AAMDC: variants seen among roughly 807,000 people sequenced by gnomAD.
The protein encoded by AAMDC is mth938 domain-containing protein.
A neutral mutation model predicts 15.5 loss-of-function variants in AAMDC; 16 were observed. That is an observed-to-expected ratio of 1.03 (90% confidence interval 0.70 to 1.57). The LOEUF (loss-of-function observed/expected upper bound fraction) is 1.57. Among genes scored for constraint, AAMDC ranks in the 40% most tolerant of loss-of-function variants. The probability of loss-of-function intolerance (pLI) is 0.00; values close to 1 mark genes in which losing one functional copy is unlikely to be tolerated. For synonymous variants in AAMDC, 51 were observed against 51.6 expected (o/e 0.99, Z 0.05); for missense variants, 141 against 144.9 (o/e 0.97, Z 0.14).
chr11:77,843,348 G>A (rs1950012898), intron 2 of AAMDC, among the ~76,000 whole-genome samples: 3 of 152,174 alleles, frequency 2.0e-5, no homozygotes, highest in Admixed American at 1.3e-4. Context: ...AAACAAGGGA[G>A]CCTCTACCTT....
chr11:77,864,955 T>A (rs909535889), intron 2 of AAMDC, among the ~76,000 whole-genome samples: 4 of 152,150 alleles, frequency 2.6e-5, no homozygotes, highest in Admixed American at 6.6e-5. Context: ...CCAGCCTCAG[T>A]GACAGAGTGA....
chr11:77,878,306 A>G lies in AAMDC; in HGVS notation c.328+1257A>G, dbSNP rs182738893. Among the ~76,000 whole-genome samples the G allele has an allele frequency of 1.8e-3, 274 of 151,870 alleles. 1 individual carries two copies. Among genetic ancestry groups the G allele is most frequent in the African/African-American group, 5.0e-3 (209 of 41,406 alleles). On this transcript the variant is annotated intron_variant, in intron 5 of 5. Transcript: ENST00000304716. ...GAACCCAGGAGGCAGAGGTTGCAGT[A>G]AGCCAAGATCACGCCACTGCACTCC...
chr11:77,823,717 T>G (rs1253464615), intron 1 of AAMDC, among the ~76,000 whole-genome samples: 1 of 151,990 alleles, frequency 6.6e-6, no homozygotes. Flanking sequence ...TACTGGTTAC[T>G]TAACTGACCT....
chr11:77,887,587 G>T (rs935202395), intron 5 of AAMDC, among the ~76,000 whole-genome samples: 6 of 152,168 alleles, frequency 3.9e-5, no homozygotes, highest in Non-Finnish European at 7.3e-5. Flanking sequence ...TTAGGTAGGA[G>T]AAGGAAATAA....
intron 5 of AAMDC, among the ~76,000 whole-genome samples, chr11:77,892,220 C>T (rs1422482649): frequency 2.0e-5 from 3 of 152,078 alleles, no homozygotes; most frequent in African/African-American, 7.2e-5. Flanking sequence ...ACACAGTGAA[C>T]GGAAGAGAAA....
chr11:77,902,809 G>T (rs1446128236), downstream of AAMDC, among the ~76,000 whole-genome samples: 1 of 152,160 alleles, frequency 6.6e-6, no homozygotes, highest in Non-Finnish European at 1.5e-5. Context: ...AAGCTAAAAA[G>T]AAATAAACTA....
intron 5 of AAMDC, chr11:77,878,740 T>C (rs760170258): frequency 2.9e-6 from 2 of 695,868 alleles, no homozygotes; most frequent in Non-Finnish European, 5.2e-6. Context: ...CTCAACTTTA[T>C]TGTGGACAGG....
intron 5 of AAMDC, among the ~76,000 whole-genome samples, chr11:77,888,928 C>G (rs952592993): frequency 4.5e-4 from 68 of 152,224 alleles, no homozygotes; most frequent in Middle Eastern, 3.4e-3. Flanking sequence ...GGAATCAACA[C>G]GTGCTGGAGA....
chr11:77,891,405 GC>G, intron 5 of AAMDC: 1 of 1,613,078 alleles, frequency 6.2e-7, no homozygotes, highest in Non-Finnish European at 8.5e-7. Flanking sequence ...GAGGTAAACC[GC>G]AAAGGGTTGT....
intron 2 of AAMDC, 32 bp from the exon 3 acceptor site, chr11:77,869,690 G>A (rs1323714163): frequency 6.3e-7 from 1 of 1,590,766 alleles, no homozygotes; most frequent in East Asian, 2.2e-5. Context: ...ATTGAGAGCA[G>A]GTACCTGTCT....
At chr11:77,844,343 T>C (rs1386977870) in intron 2 of AAMDC, among the ~76,000 whole-genome samples, 1 of 152,132 alleles carries the variant, frequency 6.6e-6, no homozygotes, top group African/African-American at 2.4e-5. Context: ...GCAGCAAATT[T>C]TTTTTTACAG....
chr11:77,881,012 G>C (rs1951771710), intron 5 of AAMDC, among the ~76,000 whole-genome samples: 1 of 152,148 alleles, frequency 6.6e-6, no homozygotes, highest in Non-Finnish European at 1.5e-5. Context: ...CAGCCCTACA[G>C]GGTCATTTTG....
At chr11:77,825,699 T>G (rs1055929793) in intron 1 of AAMDC, among the ~76,000 whole-genome samples, 3 of 142,370 alleles carry the variant, frequency 2.1e-5, no homozygotes, top group Non-Finnish European at 3.1e-5. Context: ...ATTTTTTTTG[T>G]TTTTTTTTTT....
At chr11:77,904,915 A>C (rs1313212537), downstream of AAMDC, among the ~76,000 whole-genome samples, 1 of 152,146 alleles carries the variant, frequency 6.6e-6, no homozygotes, top group Non-Finnish European at 1.5e-5. Flanking sequence ...GCTTAAGGAG[A>C]TGCGTATGAG....
downstream of AAMDC, among the ~76,000 whole-genome samples, chr11:77,904,221 C>CT (rs1221685261): frequency 6.6e-6 from 1 of 152,176 alleles, no homozygotes; most frequent in African/African-American, 2.4e-5. Flanking sequence ...GTGACAGCCT[C>CT]TTATTTTCTC....
intron 1 of AAMDC, among the ~76,000 whole-genome samples, chr11:77,825,787 G>A (rs566751426): frequency 6.6e-6 from 1 of 151,468 alleles, no homozygotes; most frequent in South Asian, 2.1e-4. Context: ...TGCCTCCTAA[G>A]TTCAAGTGAT....
At chr11:77,856,576 C>T (rs1950633678) in intron 2 of AAMDC, among the ~76,000 whole-genome samples, 1 of 152,134 alleles carries the variant, frequency 6.6e-6, no homozygotes, top group Non-Finnish European at 1.5e-5. Flanking sequence ...TTAATTGGCT[C>T]ACGGTTCCAC....
chr11:77,840,037 A>G (rs1249624798), intron 1 of AAMDC, among the ~76,000 whole-genome samples: 2 of 151,984 alleles, frequency 1.3e-5, no homozygotes, highest in East Asian at 3.8e-4. Flanking sequence ...CAAAATAAAG[A>G]CCAGGGTTGA....
intron 5 of AAMDC, among the ~76,000 whole-genome samples, chr11:77,895,261 T>C (rs1952459753): frequency 6.6e-6 from 1 of 152,162 alleles, no homozygotes; most frequent in Non-Finnish European, 1.5e-5. Flanking sequence ...TTTTCTTTAA[T>C]ATATTATTCA....
Sources: allele counts gnomAD v4.1 joint callset (sites outside exome capture counted in the v4.1 genomes callset), GRCh38; gene constraint gnomAD v4.1.1; transcripts MANE v1.5; gene names NCBI Gene and HGNC (gene_info 2026-07-23, HGNC 2026-07-21).